The following WDPCP variants were observed in gnomAD, a reference collection of about 807,000 sequenced individuals.
WDPCP encodes WD repeat-containing and planar cell polarity effector protein fritz homolog.
Under a neutral mutation model 93.1 loss-of-function variants are expected in WDPCP, and 71 were observed. The ratio of observed to expected loss-of-function variants is 0.76; its 90% CI spans 0.63 to 0.93. The LOEUF (loss-of-function observed/expected upper bound fraction) is 0.93, where lower values mean the gene tolerates loss of function less well. WDPCP is among the 40% of genes least tolerant of loss of function. The pLI, the probability that WDPCP is intolerant of heterozygous loss-of-function variation, is 0.00. For missense variants in WDPCP, 844 were observed against 887.4 expected, an observed-to-expected ratio of 0.95 and a Z score of 0.62; for synonymous variants, 315 against 315.0, an observed-to-expected ratio of 1.00 and a Z score of 0.00.
intron 2 of WDPCP, among the ~76,000 whole-genome samples, chr2:63,790,281 C>T (rs1670527306): frequency 1.3e-5 from 2 of 152,136 alleles, no homozygotes; most frequent in Non-Finnish European, 2.9e-5. Flanking sequence ...GTATAACAAT[C>T]GATAAATTCA....
intron 2 of WDPCP, among the ~76,000 whole-genome samples, chr2:63,805,120 A>G (rs969978211): frequency 4.6e-5 from 7 of 152,302 alleles, no homozygotes; most frequent in Admixed American, 4.6e-4. Flanking sequence ...TTCATGTCAA[A>G]TTTTTGAAGT....
At chr2:63,446,165 T>C (rs1697848466) in intron 6 of WDPCP, among the ~76,000 whole-genome samples, 1 of 152,126 alleles carries the variant, frequency 6.6e-6, no homozygotes, top group Non-Finnish European at 1.5e-5. Context: ...AGTCTCCCTC[T>C]AAACCAGGGG....
chr2:63,435,188 AT>A (rs1697052405), intron 8 of WDPCP, among the ~76,000 whole-genome samples: 2 of 152,046 alleles, frequency 1.3e-5, no homozygotes, highest in African/African-American at 2.4e-5. Flanking sequence ...ATTGAATTGG[AT>A]TTTTTTCAGA....
chr2:63,556,222 A>C (rs1706109685), intron 1 of WDPCP, among the ~76,000 whole-genome samples: 1 of 152,244 alleles, frequency 6.6e-6, no homozygotes, highest in African/African-American at 2.4e-5. Flanking sequence ...TAACAGCCAA[A>C]TAGACCAAGT....
At chr2:63,551,434 G>A (rs1705637038) in intron 1 of WDPCP, among the ~76,000 whole-genome samples, 2 of 152,140 alleles carry the variant, frequency 1.3e-5, no homozygotes, top group South Asian at 4.2e-4. Context: ...AGTGAGATCG[G>A]GTTATTTAAG....
chr2:63,782,764 GTGTGTGTGTGTGTT>G (rs1670413915), intron 2 of WDPCP, among the ~76,000 whole-genome samples: 3 of 151,504 alleles, frequency 2.0e-5, no homozygotes, highest in East Asian at 1.9e-4. Flanking sequence ...GTGTGTGTGT[GTGTGTGTGTGTGTT>G]TGTGTGTTTG....
chr2:63,764,768 G>A (rs186469506), intron 2 of WDPCP, among the ~76,000 whole-genome samples: 1 of 152,260 alleles, frequency 6.6e-6, no homozygotes, highest in East Asian at 1.9e-4. Context: ...TTTAAGGCAA[G>A]ACCATGAAGG....
chr2:63,805,437 C>G (rs1197258913), intron 2 of WDPCP, among the ~76,000 whole-genome samples: 1 of 152,202 alleles, frequency 6.6e-6, no homozygotes, highest in Non-Finnish European at 1.5e-5. Context: ...CACTCATACT[C>G]TGTCCCCAAA....
chr2:63,557,638 T>C (rs140414757), intron 1 of WDPCP, among the ~76,000 whole-genome samples: 1 of 151,810 alleles, frequency 6.6e-6, no homozygotes, highest in African/African-American at 2.4e-5. Flanking sequence ...CAGCTCTGGA[T>C]CAAGTAGACT....
intron 2 of WDPCP, among the ~76,000 whole-genome samples, chr2:63,688,527 T>G (rs912450754): frequency 2.0e-3 from 129 of 64,688 alleles, no homozygotes; most frequent in Non-Finnish European, 2.8e-3. Context: ...GGGAGAGAAA[T>G]AGTTAGAAAG....
chr2:63,585,401 GT>G (rs576998782), intron 1 of WDPCP, among the ~76,000 whole-genome samples: 3 of 149,026 alleles, frequency 2.0e-5, no homozygotes, highest in Non-Finnish European at 3.0e-5. Context: ...AAAAGCCAAA[GT>G]TTTTTTTTTC....
intron 11 of WDPCP, 56 bp from the exon 12 acceptor site, chr2:63,378,565 C>A (rs970443722): frequency 6.2e-7 from 1 of 1,610,336 alleles, no homozygotes; most frequent in Non-Finnish European, 8.5e-7. Flanking sequence ...TCAATTACAA[C>A]AAAATACTCA....
At chr2:63,380,218 C>A (rs543882437) in intron 11 of WDPCP, among the ~76,000 whole-genome samples, 2 of 151,606 alleles carry the variant, frequency 1.3e-5, no homozygotes, top group Admixed American at 6.6e-5. Flanking sequence ...AGGGACCCTG[C>A]TTTTTAAAAT....
chr2:63,391,156 A>G (rs1476657284), intron 10 of WDPCP, among the ~76,000 whole-genome samples: 1 of 152,212 alleles, frequency 6.6e-6, no homozygotes, highest in Non-Finnish European at 1.5e-5. Context: ...ACACTGGCAA[A>G]CCGAATCCAG....
chr2:63,828,916 C>G (rs1671153604), upstream of WDPCP, among the ~76,000 whole-genome samples: 1 of 151,948 alleles, frequency 6.6e-6, no homozygotes, highest in South Asian at 2.1e-4. Context: ...TTTTTTTACT[C>G]AAGAAAATTG....
chr2:63,688,450 T>C (rs1235889827), intron 2 of WDPCP, among the ~76,000 whole-genome samples: 4 of 150,424 alleles, frequency 2.7e-5, no homozygotes, highest in African/African-American at 4.9e-5. Flanking sequence ...GTTAAAACGA[T>C]TGAACTCATG....
At chr2:63,336,895 C>CTT (rs70965120) in intron 12 of WDPCP, among the ~76,000 whole-genome samples, 93,767 of 122,196 alleles carry the variant, frequency 0.77, 36,962 homozygotes, top group East Asian at 0.95. Context: ...ATGAGAGTCA[C>CTT]TTTTTTTTTT....
At chr2:63,361,451 G>A (rs1026075518) in intron 12 of WDPCP, among the ~76,000 whole-genome samples, 3 of 152,132 alleles carry the variant, frequency 2.0e-5, no homozygotes, top group Admixed American at 2.0e-4. Context: ...CTTCACTCTT[G>A]GCATAGTGCA....
At chr2:63,580,306 T>C (rs139646004) in intron 1 of WDPCP, among the ~76,000 whole-genome samples, 1 of 152,284 alleles carries the variant, frequency 6.6e-6, no homozygotes, top group Non-Finnish European at 1.5e-5. Flanking sequence ...GTGCTAAAAC[T>C]ATGAGTAAAA....
Sources: allele counts gnomAD v4.1 joint callset (sites outside exome capture counted in the v4.1 genomes callset), GRCh38; gene constraint gnomAD v4.1.1; transcripts MANE v1.5; gene names NCBI Gene and HGNC (gene_info 2026-07-23, HGNC 2026-07-21).